CTNNA2: variants seen among roughly 807,000 people sequenced by gnomAD.
CTNNA2 encodes the protein catenin alpha 2.
CTNNA2 carries 42 observed loss-of-function variants against 101.0 expected under a neutral mutation model. The observed-to-expected ratio is 0.42, with a 90% confidence interval of 0.32 to 0.54. CTNNA2 has a LOEUF of 0.54. Among genes scored for constraint, CTNNA2 ranks in the 20% least tolerant of loss-of-function variants. CTNNA2 has a pLI of 0.14. For missense variants in CTNNA2, 871 were observed against 1,223.1 expected (o/e 0.71, Z 4.29); for synonymous variants, 450 against 456.4 (o/e 0.99, Z 0.18).
At chr2:79,267,102 G>A (rs1394466846) in intron 2 of CTNNA2, among the ~76,000 whole-genome samples, 1 of 152,088 alleles carries the variant, frequency 6.6e-6, no homozygotes, top group Non-Finnish European at 1.5e-5. Flanking sequence ...CATCTGAATA[G>A]ATGTGCTTGA....
At chr2:80,574,088 A>G (rs1291186760) in intron 12 of CTNNA2, 75 bp from the exon 13 acceptor site, 8 of 1,506,886 alleles carry the variant, frequency 5.3e-6, no homozygotes, top group East Asian at 2.3e-5. Context: ...AGGACCTGCC[A>G]CTTCGCCCAA....
intron 9 of CTNNA2, among the ~76,000 whole-genome samples, chr2:80,459,584 T>G: frequency 6.6e-6 from 1 of 151,442 alleles, no homozygotes; most frequent in African/African-American, 2.4e-5. Flanking sequence ...GTTAAGGGAG[T>G]CTGTTGAAAG....
At chr2:79,589,464 CCT>C (rs1676704953) in intron 1 of CTNNA2, among the ~76,000 whole-genome samples, 1 of 152,024 alleles carries the variant, frequency 6.6e-6, no homozygotes, top group Non-Finnish European at 1.5e-5. Flanking sequence ...CCACTATTGT[CCT>C]TTTTTTTCTT....
chr2:80,339,284 C>T (rs998648608), intron 7 of CTNNA2, among the ~76,000 whole-genome samples: 1 of 152,010 alleles, frequency 6.6e-6, no homozygotes, highest in African/African-American at 2.4e-5. Flanking sequence ...TAGTCATCAC[C>T]AAACTATGAT....
chr2:80,511,991 A>C (rs1221850513), intron 9 of CTNNA2, among the ~76,000 whole-genome samples: 1 of 151,996 alleles, frequency 6.6e-6, no homozygotes, highest in African/African-American at 2.4e-5. Context: ...CTCTACTAAA[A>C]ATACAAAAAT....
chr2:80,350,948 A>G (rs952225181), intron 7 of CTNNA2, among the ~76,000 whole-genome samples: 2 of 152,188 alleles, frequency 1.3e-5, no homozygotes, highest in Non-Finnish European at 2.9e-5. Context: ...ACAACTCCAA[A>G]TAAGGCATAA....
Position 79,741,499 on chromosome 2 carries a change from G to A in CTNNA2, c.103-2888G>A, listed in dbSNP as rs558995362. Among the ~76,000 whole-genome samples the A allele has an allele frequency of 2.9e-3, 448 of 152,118 alleles. 1 individual carries two copies. The highest frequency in any genetic ancestry group is 5.4e-3 in the Non-Finnish European group (370 of 67,988). ...CTTGAGTCTTCCCATCCAAGAATGC[G>A]GGATGTCTCTCTATTATGTAGGTCT... On this transcript the variant is annotated intron_variant, in intron 2 of 18. Coordinates refer to ENST00000402739, the MANE Select transcript of CTNNA2 (RefSeq NM_001282597.3).
intron 6 of CTNNA2, among the ~76,000 whole-genome samples, chr2:79,879,221 T>G (rs534218488): frequency 6.6e-6 from 1 of 152,214 alleles, no homozygotes; most frequent in African/African-American, 2.4e-5. Context: ...TACTGTAGCC[T>G]TGTAGTTTAG....
At chr2:80,601,010 A>G (rs1697449065) in intron 15 of CTNNA2, among the ~76,000 whole-genome samples, 1 of 152,210 alleles carries the variant, frequency 6.6e-6, no homozygotes, top group South Asian at 2.1e-4. Flanking sequence ...ATGACGGTCT[A>G]CAGGGGAAAA....
At chr2:80,527,384 A>T (rs1275089102) in intron 9 of CTNNA2, among the ~76,000 whole-genome samples, 1 of 152,234 alleles carries the variant, frequency 6.6e-6, no homozygotes, top group Non-Finnish European at 1.5e-5. Flanking sequence ...CTAAAAACAC[A>T]GATGACTGGG....
intron 4 of CTNNA2, among the ~76,000 whole-genome samples, chr2:79,467,321 TAGAGAAAAA>T (rs942640742): frequency 7.2e-5 from 11 of 152,132 alleles, no homozygotes; most frequent in South Asian, 6.2e-4. Context: ...AAGAGAAGTT[TAGAGAAAAA>T]AGAGAAAAAA....
At chr2:79,722,163 C>T (rs11690553) in intron 2 of CTNNA2, among the ~76,000 whole-genome samples, 31,589 of 152,122 alleles carry the variant, frequency 0.21, 3,445 homozygotes, top group Middle Eastern at 0.27. Flanking sequence ...CTGTGGTTCA[C>T]GCTCTTTGTA....
At chr2:79,613,483 C>A (rs1678422435) in intron 1 of CTNNA2, among the ~76,000 whole-genome samples, 1 of 151,806 alleles carries the variant, frequency 6.6e-6, no homozygotes, top group Non-Finnish European at 1.5e-5. Flanking sequence ...TGAATCAGAT[C>A]TACTGTGTTT....
intron 7 of CTNNA2, among the ~76,000 whole-genome samples, chr2:80,214,959 T>TTTACTC (rs896786771): frequency 4.6e-5 from 7 of 152,182 alleles, no homozygotes; most frequent in African/African-American, 1.7e-4. Context: ...GTTCGTTTCT[T>TTTACTC]TTACTCTTTT....
At chr2:79,781,157 C>A (rs1198143349) in intron 3 of CTNNA2, among the ~76,000 whole-genome samples, 1 of 152,184 alleles carries the variant, frequency 6.6e-6, no homozygotes, top group Admixed American at 6.5e-5. Context: ...ATATGCTAGA[C>A]AAGTGGTGAA....
intron 3 of CTNNA2, among the ~76,000 whole-genome samples, chr2:79,767,214 C>T (rs114563427): frequency 0.012 from 1,762 of 152,038 alleles, 23 homozygotes; most frequent in Non-Finnish European, 0.019. Context: ...TTTCAATCTC[C>T]GTTAAATGTA....
At chr2:79,965,524 A>G (rs1689978524) in intron 7 of CTNNA2, among the ~76,000 whole-genome samples, 1 of 152,108 alleles carries the variant, frequency 6.6e-6, no homozygotes, top group African/African-American at 2.4e-5. Flanking sequence ...TTTCTAATGC[A>G]TACTGTCTAT....
At chr2:79,213,645 A>T (rs1016172948) in intron 2 of CTNNA2, among the ~76,000 whole-genome samples, 1 of 152,144 alleles carries the variant, frequency 6.6e-6, no homozygotes, top group Non-Finnish European at 1.5e-5. Context: ...AACATGGGGA[A>T]ATTGGGTGAA....
At chr2:80,441,946 C>A (rs988080145) in intron 9 of CTNNA2, among the ~76,000 whole-genome samples, 2 of 152,214 alleles carry the variant, frequency 1.3e-5, no homozygotes, top group African/African-American at 4.8e-5. Flanking sequence ...AAGGGAGACA[C>A]CAGTCTTTCA....
Sources: gnomAD v4.1 joint callset for allele counts (sites outside exome capture counted in the v4.1 genomes callset) on GRCh38, gnomAD v4.1.1 for gene constraint, MANE v1.5 for transcripts, NCBI Gene and HGNC (gene_info 2026-07-23, HGNC 2026-07-21) for gene names.